The following PACRG variants were observed in gnomAD, a reference collection of about 807,000 sequenced individuals.
PACRG encodes parkin coregulated gene protein.
In PACRG, 29 loss-of-function variants were observed where a neutral mutation model predicts 29.7. The observed-to-expected ratio is 0.98, with a 90% CI of 0.73 to 1.33. The LOEUF (loss-of-function observed/expected upper bound fraction) is 1.33. Ranked by LOEUF, PACRG falls within the 40% of genes most tolerant of loss-of-function variation. The pLI is 0.00. For missense variants in PACRG, 279 were observed against 316.2 expected, an observed-to-expected ratio of 0.88 and a Z score of 0.89; for synonymous variants, 116 against 118.7, an observed-to-expected ratio of 0.98 and a Z score of 0.15.
Position 163,141,444 on chromosome 6 carries a change from GTTT to G in PACRG, c.613+52048_613+52050del, listed in dbSNP as rs61532073. ...ACTATAGGATTTTTGTAATGTATGT[GTTT>G]TTTTTTTTTTTAAAGCCAAACTAAC... On this transcript the variant is annotated intron_variant, in intron 4 of 4. Coordinates refer to ENST00000366888, the MANE Select transcript of PACRG (RefSeq NM_001080379.2). 2.8e-3 allele frequency among the ~76,000 whole-genome samples: 415 copies of G among 147,250 alleles called. 1 individual carries two copies. Among genetic ancestry groups the G allele is most frequent in the African/African-American group, 8.9e-3 (360 of 40,344 alleles).
At chr6:162,877,895 A>G (rs578135165) in intron 2 of PACRG, among the ~76,000 whole-genome samples, 31 of 152,324 alleles carry the variant, frequency 2.0e-4, no homozygotes, top group African/African-American at 7.0e-4. Context: ...TTACCAATGA[A>G]CAAGTTCCTA....
chr6:162,876,156 A>T (rs1793331354), intron 2 of PACRG, among the ~76,000 whole-genome samples: 1 of 152,124 alleles, frequency 6.6e-6, no homozygotes, highest in Non-Finnish European at 1.5e-5. Flanking sequence ...TCACCATCAT[A>T]GGGGGTTCCT....
At chr6:163,290,834 G>T (rs1242943861) in intron 4 of PACRG, among the ~76,000 whole-genome samples, 2 of 152,162 alleles carry the variant, frequency 1.3e-5, no homozygotes, top group Non-Finnish European at 2.9e-5. Flanking sequence ...AATCGGATGC[G>T]CATGAGTTCA....
chr6:162,838,188 GA>G (rs1230386024), intron 2 of PACRG, among the ~76,000 whole-genome samples: 1 of 152,074 alleles, frequency 6.6e-6, no homozygotes, highest in Non-Finnish European at 1.5e-5. Context: ...AACTGCCGTA[GA>G]AAATAATCCT....
At chr6:162,813,997 C>T (rs954891916) in intron 1 of PACRG, 150 bp from the exon 2 acceptor site, 1 of 764,212 alleles carries the variant, frequency 1.3e-6, no homozygotes, top group Non-Finnish European at 1.9e-6. Context: ...TTTGTATTAA[C>T]AGATTTCTGT....
At chr6:162,871,433 A>G (rs557136241) in intron 2 of PACRG, among the ~76,000 whole-genome samples, 1 of 152,128 alleles carries the variant, frequency 6.6e-6, no homozygotes, top group South Asian at 2.1e-4. Context: ...GTTTAGCACT[A>G]TACAAACTAT....
At chr6:162,882,182 A>T (rs1225300381) in intron 2 of PACRG, among the ~76,000 whole-genome samples, 1 of 136,232 alleles carries the variant, frequency 7.3e-6, no homozygotes, top group Non-Finnish European at 1.6e-5. Flanking sequence ...AAGACCAGAG[A>T]CTGGGGGTGG....
chr6:162,852,005 G>GAGGAAGGT, intron 2 of PACRG, among the ~76,000 whole-genome samples: 1 of 116,112 alleles, frequency 8.6e-6, no homozygotes, highest in South Asian at 2.8e-4. Context: ...GGGAGGGAGG[G>GAGGAAGGT]AGGAAGGAAG....
intron 2 of PACRG, chr6:163,053,831 GT>G (rs1455216485): frequency 2.0e-5 from 3 of 152,102 alleles, no homozygotes; most frequent in Admixed American, 2.0e-4. Flanking sequence ...TCTGGTCATT[GT>G]TCCTTAGCAG....
chr6:163,109,364 G>T (rs916737863), intron 4 of PACRG, among the ~76,000 whole-genome samples: 1 of 152,170 alleles, frequency 6.6e-6, no homozygotes, highest in Non-Finnish European at 1.5e-5. Flanking sequence ...ATCACACGTT[G>T]TCTATGATAG....
chr6:162,774,548 G>C (rs1033299106), intron 1 of PACRG, among the ~76,000 whole-genome samples: 12 of 152,094 alleles, frequency 7.9e-5, no homozygotes, highest in Non-Finnish European at 1.6e-4. Flanking sequence ...TAATGGTATG[G>C]GAGAAAAGTC....
intron 4 of PACRG, among the ~76,000 whole-genome samples, chr6:163,246,000 G>A (rs1310209085): frequency 6.6e-6 from 1 of 152,068 alleles, no homozygotes; most frequent in Non-Finnish European, 1.5e-5. Context: ...CTCCACCTCT[G>A]CCTCTTGCCT....
chr6:163,139,268 TC>T (rs2128333537), intron 4 of PACRG, among the ~76,000 whole-genome samples: 1 of 152,232 alleles, frequency 6.6e-6, no homozygotes, highest in Non-Finnish European at 1.5e-5. Context: ...TGTGTCCAAA[TC>T]CCCCTCTGCT....
rs1784523235 is a variant in PACRG at position 162,787,162 on chromosome 6, C to T, written c.157-26985C>T. 2.6e-5 allele frequency among the ~76,000 whole-genome samples: 4 copies of T among 152,052 alleles called. No individual in the cohort carries two copies. In the South Asian group the frequency reaches 8.3e-4, roughly 32 times the overall value. Reference sequence around the variant, plus strand: ...AGCTCCTCTGTGCTTTATTTCTCACCCTGTCAGACTGAGAAGAGCTACCAA... The same window carrying T: ...AGCTCCTCTGTGCTTTATTTCTCACTCTGTCAGACTGAGAAGAGCTACCAA... On this transcript the variant is annotated intron_variant, in intron 1 of 4. Coordinates refer to ENST00000366888, the MANE Select transcript of PACRG (RefSeq NM_001080379.2).
At chr6:163,234,875 T>G (rs1368544331) in intron 4 of PACRG, among the ~76,000 whole-genome samples, 3 of 151,670 alleles carry the variant, frequency 2.0e-5, no homozygotes, top group Admixed American at 6.6e-5. Context: ...TAAATGAGAG[T>G]TGAGGAAGAG....
At chr6:163,186,806 A>C (rs35316207) in intron 4 of PACRG, among the ~76,000 whole-genome samples, 29,122 of 152,178 alleles carry the variant, frequency 0.19, 3,518 homozygotes, top group African/African-American at 0.35. Context: ...CCCTCCCTGG[A>C]GGTGCTTCTG....
intron 4 of PACRG, among the ~76,000 whole-genome samples, chr6:163,144,590 G>A (rs1777720618): frequency 6.6e-6 from 1 of 152,100 alleles, no homozygotes; most frequent in African/African-American, 2.4e-5. Context: ...CCAACATGGT[G>A]AAACCCCATC....
intron 2 of PACRG, among the ~76,000 whole-genome samples, chr6:163,021,956 T>G (rs921369013): frequency 1.3e-5 from 2 of 152,234 alleles, no homozygotes; most frequent in African/African-American, 4.8e-5. Context: ...TCCCAAAATA[T>G]TTGATTTCTT....
At chr6:163,272,395 C>A (rs1323768264) in intron 4 of PACRG, among the ~76,000 whole-genome samples, 2 of 152,140 alleles carry the variant, frequency 1.3e-5, no homozygotes, top group African/African-American at 4.8e-5. Context: ...TCAGTTAATT[C>A]TCAGGTTTTC....
Sources: allele counts gnomAD v4.1 joint callset (sites outside exome capture counted in the v4.1 genomes callset), GRCh38; gene constraint gnomAD v4.1.1; transcripts MANE v1.5; gene names NCBI Gene and HGNC (gene_info 2026-07-23, HGNC 2026-07-21).